The following LARP4B variants were observed in gnomAD, a reference collection of about 807,000 sequenced individuals.
LARP4B encodes La ribonucleoprotein 4B.
LARP4B carries 12 observed loss-of-function variants against 89.8 expected under a neutral mutation model. The observed-to-expected ratio is 0.13, with a 90% confidence interval of 0.09 to 0.22. The LOEUF is 0.22. Among genes scored for constraint, LARP4B ranks in the 10% least tolerant of loss-of-function variants. LARP4B has a pLI of 1.00. For missense variants in LARP4B, 757 were observed against 947.7 expected (o/e 0.80, Z 2.64); for synonymous variants, 367 against 363.3 (o/e 1.01, Z -0.12).
chr10:903,270 T>C (rs1836393904), intron 1 of LARP4B: 1 of 152,242 alleles, frequency 6.6e-6, no homozygotes. Flanking sequence ...ATCTCGCAGA[T>C]GGCAAACAAA....
At chr10:820,653 TCA>T (rs1226391533) in intron 14 of LARP4B, 145 bp downstream of exon 14, 9 of 713,654 alleles carry the variant, frequency 1.3e-5, no homozygotes, top group South Asian at 1.9e-5. Context: ...AGCCAGGGTG[TCA>T]GTTATTACTT....
intron 1 of LARP4B, among the ~76,000 whole-genome samples, chr10:922,150 G>C (rs1355300192): frequency 6.6e-6 from 1 of 152,216 alleles, no homozygotes; most frequent in Non-Finnish European, 1.5e-5. Flanking sequence ...TCAGGCACTA[G>C]ATTCTCATAA....
chr10:954,671 G>A, the LARP4B span, among the ~76,000 whole-genome samples: 1 of 152,130 alleles, frequency 6.6e-6, no homozygotes, highest in African/African-American at 2.4e-5. The surrounding 1 kb of genome is among the most constrained non-coding windows in gnomAD (Gnocchi z 5.0). Flanking sequence ...TGGCAGCGGA[G>A]TCCTTCAGGG....
intron 8 of LARP4B, among the ~76,000 whole-genome samples, chr10:831,844 G>A (rs986488250): frequency 4.6e-5 from 7 of 151,970 alleles, no homozygotes; most frequent in South Asian, 4.1e-4. Context: ...TTAAAACTCC[G>A]AGCATCTCCT....
At chr10:967,513 A>G in the LARP4B span, among the ~76,000 whole-genome samples, 2 of 152,218 alleles carry the variant, frequency 1.3e-5, no homozygotes, top group Non-Finnish European at 2.9e-5. Flanking sequence ...TTTTTGGTTC[A>G]GTGAGGAGCT....
rs947746432 is a variant in LARP4B, at chr10:822,015, G to A, written c.1485-1170C>T. ...CCATGCCTGTGGCCTCACAGGGAGA[G>A]AGGGTCCTGGGCCTGCATTATGGAC... On this transcript the variant is annotated intron_variant, in intron 13 of 17. Transcript: ENST00000316157. This position sits in a 1 kb window ranked among gnomAD's most constrained non-coding sequence, Gnocchi z 4.6. Among the ~76,000 whole-genome samples the A allele has an allele frequency of 6.6e-6, 1 of 152,216 alleles. No homozygotes were observed. The highest frequency in any genetic ancestry group is 1.5e-5 in the Non-Finnish European group (1 of 68,022).
the LARP4B span, among the ~76,000 whole-genome samples, chr10:960,715 A>ATGTCTC: frequency 3.7e-5 from 1 of 26,802 alleles, no homozygotes; most frequent in Admixed American, 4.6e-4. Flanking sequence ...CTCAAAAAAA[A>ATGTCTC]AAAAAAAAAA....
chr10:969,317 T>C, the LARP4B span, among the ~76,000 whole-genome samples: 1 of 152,170 alleles, frequency 6.6e-6, no homozygotes, highest in African/African-American at 2.4e-5. Flanking sequence ...GGTTCAGACT[T>C]TGAATTCAGC....
intron 3 of LARP4B, among the ~76,000 whole-genome samples, chr10:875,409 G>A (rs564444779): frequency 2.0e-5 from 3 of 152,160 alleles, no homozygotes; most frequent in South Asian, 2.1e-4. Context: ...CTATGATCTC[G>A]GCTTCTAAGA....
At chr10:843,454 T>C (rs888979870) in intron 6 of LARP4B, among the ~76,000 whole-genome samples, 1 of 152,182 alleles carries the variant, frequency 6.6e-6, no homozygotes, top group Admixed American at 6.5e-5. Flanking sequence ...ATCCCAGCAC[T>C]TTGGGGGGCC....
chr10:984,395 G>A, the LARP4B span, among the ~76,000 whole-genome samples: 5 of 152,170 alleles, frequency 3.3e-5, no homozygotes, highest in Non-Finnish European at 7.3e-5. Context: ...AAAAGAGATC[G>A]CAAGATTTCC....
At chr10:832,600 T>G (rs902559875) in intron 8 of LARP4B, among the ~76,000 whole-genome samples, 2 of 152,140 alleles carry the variant, frequency 1.3e-5, no homozygotes, top group Non-Finnish European at 2.9e-5. Context: ...AGAGAAAGAC[T>G]TATTACATAC....
upstream of LARP4B, among the ~76,000 whole-genome samples, chr10:935,722 C>CTTTTTTTT (rs10711022): frequency 1.2e-4 from 10 of 83,882 alleles, no homozygotes; most frequent in Non-Finnish European, 1.6e-4. Context: ...CTTTTCTTTT[C>CTTTTTTTT]TTTTTTTTTT....
chr10:911,242 C>T (rs141656537), intron 1 of LARP4B, among the ~76,000 whole-genome samples: 38 of 152,162 alleles, frequency 2.5e-4, no homozygotes, highest in Middle Eastern at 3.4e-3. Flanking sequence ...AAATGGGAAA[C>T]GTACTTTATG....
At chr10:926,796 G>C (rs773341000) in intron 1 of LARP4B, among the ~76,000 whole-genome samples, 77 of 152,152 alleles carry the variant, frequency 5.1e-4, no homozygotes, top group Non-Finnish European at 1.0e-3. Context: ...CAGCACTCTG[G>C]GAGGCCAAGG....
chr10:812,845 G>A lies in LARP4B; in HGVS notation c.*81C>T, dbSNP rs1231801476. The stretch of plus-strand genomic sequence containing the variant: ...CAGACACTGCAAGCTCCTAACCAGC[G>A]GCTCGCCCTCGCACTGAGTGGGAGA... On this transcript the variant is annotated 3_prime_UTR_variant, in exon 18 of 18. Transcript: ENST00000316157. 1.7e-5 allele frequency: 22 copies of A among 1,291,558 alleles called. No individual in the cohort carries two copies. Among genetic ancestry groups the A allele is most frequent in the South Asian group, 2.2e-5 (1 of 45,430 alleles). 80.0% of individuals were successfully genotyped at this position (1,291,558 alleles called of 1,614,324 possible).
chr10:937,978 G>C, the LARP4B span, among the ~76,000 whole-genome samples: 1 of 151,666 alleles, frequency 6.6e-6, no homozygotes, highest in East Asian at 1.9e-4. Context: ...TCCACCTCCC[G>C]GGTTCAAGCG....
At chr10:878,420 C>CT (rs1423306065) in intron 3 of LARP4B, among the ~76,000 whole-genome samples, 1 of 152,184 alleles carries the variant, frequency 6.6e-6, no homozygotes, top group Non-Finnish European at 1.5e-5. Context: ...CTCAGAAACT[C>CT]TGACACCCCT....
At chr10:856,703 A>G (rs769475737) in intron 5 of LARP4B, among the ~76,000 whole-genome samples, 191 of 152,336 alleles carry the variant, frequency 1.3e-3, no homozygotes, top group East Asian at 5.8e-4. Context: ...GAGCTCGATC[A>G]GGTCCTCACA....
Sources: gnomAD v4.1 joint callset for allele counts (sites outside exome capture counted in the v4.1 genomes callset) on GRCh38, gnomAD v4.1.1 for gene constraint, Gnocchi (gnomAD v3.1) non-coding constraint, MANE v1.5 for transcripts, NCBI Gene and HGNC (gene_info 2026-07-23, HGNC 2026-07-21) for gene names.